JMJD1C: variants seen among roughly 807,000 people sequenced by gnomAD.
The protein encoded by JMJD1C is jumonji domain-containing protein 1C.
JMJD1C carries 31 observed loss-of-function variants against 245.3 expected under a neutral mutation model. The observed-to-expected ratio is 0.13, with a 90% CI of 0.09 to 0.17. JMJD1C has a LOEUF of 0.17. Among genes scored for constraint, JMJD1C ranks in the 10% least tolerant of loss-of-function variants. JMJD1C has a pLI of 1.00. For missense variants in JMJD1C, 2,691 were observed against 3,000.2 expected (o/e 0.90, Z 2.41); for synonymous variants, 1,057 against 1,017.4 (o/e 1.04, Z -0.74).
chr10:63,256,693 C>T (rs955042533), intron 3 of JMJD1C, among the ~76,000 whole-genome samples: 1 of 152,194 alleles, frequency 6.6e-6, no homozygotes, highest in Non-Finnish European at 1.5e-5. Context: ...CATGGATGCT[C>T]ATCCTACCAA....
chr10:63,434,536 G>C (rs1051931359), intron 1 of JMJD1C, among the ~76,000 whole-genome samples: 1 of 152,124 alleles, frequency 6.6e-6, no homozygotes, highest in Non-Finnish European at 1.5e-5. Flanking sequence ...AAGCTACCGA[G>C]AGAGGAAGAT....
chr10:63,309,403 G>C lies in JMJD1C; in HGVS notation c.334-44639C>G, dbSNP rs1221288761. On this transcript the variant is annotated intron_variant, in intron 2 of 25. Transcript: ENST00000399262. ...CAGGTACTCAGGAGGCTGAGGCAGG[G>C]GAATCGCTTGAACCGGGGGGGCAGA... Among the ~76,000 whole-genome samples, 4 of 146,572 alleles carry C rather than the reference G, an allele frequency of 2.7e-5. No individual in the cohort carries two copies. The East Asian group carries it at 8.1e-4, about 30-fold the overall frequency.
chr10:63,467,771 G>A (rs1315265161), upstream of JMJD1C, among the ~76,000 whole-genome samples: 1 of 152,120 alleles, frequency 6.6e-6, no homozygotes, highest in African/African-American at 2.4e-5. Context: ...AAAAGAGTAG[G>A]GAGATCAACA....
intron 2 of JMJD1C, among the ~76,000 whole-genome samples, chr10:63,298,122 T>A (rs1859656112): frequency 6.6e-6 from 1 of 152,212 alleles, no homozygotes; most frequent in African/African-American, 2.4e-5. Flanking sequence ...CCAGTATGCC[T>A]GGCTGTGCAC....
Position 63,214,353 on chromosome 10 carries a change from G to A in JMJD1C, c.1814C>T (p.Ala605Val), listed in dbSNP as rs369114735. The part of the protein sequence containing the change: ...KYVSYISPLS[A>V]VSVMEDKLHK... ...CAGCTTATCTTCCATGACAGAAACTGCACTTAAAGGAGAAATGTAAGAGAC... is the reference window on the plus strand; with the variant it reads ...CAGCTTATCTTCCATGACAGAAACTACACTTAAAGGAGAAATGTAAGAGAC... The change falls in exon 8 of 26, where the codon GCA (alanine) becomes GTA (valine). Residue 605 changes from alanine to valine, a missense_variant. Physicochemically the swap from Ala to Val is moderately conservative, Grantham distance 64. Coordinates refer to ENST00000399262, the MANE Select transcript of JMJD1C (RefSeq NM_032776.3). 1.9e-5 allele frequency: 30 copies of A among 1,614,018 alleles called. No homozygotes were observed. The Middle Eastern group carries it at 1.3e-3, about 71-fold the overall frequency.
chr10:63,210,463 T>G (rs918626857), intron 8 of JMJD1C, among the ~76,000 whole-genome samples: 5 of 152,224 alleles, frequency 3.3e-5, no homozygotes, highest in African/African-American at 1.2e-4. Context: ...TAATAAAATA[T>G]TTTATGTACT....
chr10:63,395,391 T>C (rs1208055868), intron 1 of JMJD1C, among the ~76,000 whole-genome samples: 1 of 152,136 alleles, frequency 6.6e-6, no homozygotes, highest in East Asian at 1.9e-4. Context: ...GGCAGGAGAA[T>C]GGCGTGAACC....
chr10:63,400,376 C>T (rs1034388674), intron 1 of JMJD1C, among the ~76,000 whole-genome samples: 1 of 152,156 alleles, frequency 6.6e-6, no homozygotes, highest in African/African-American at 2.4e-5. Context: ...GTCCATTCCT[C>T]TCCTCTAGAG....
intron 3 of JMJD1C, among the ~76,000 whole-genome samples, chr10:63,256,324 A>G (rs1422113411): frequency 6.6e-6 from 1 of 152,170 alleles, no homozygotes; most frequent in African/African-American, 2.4e-5. Flanking sequence ...GTACTGGGGT[A>G]ATTTATGGGA....
At chr10:63,240,849 A>C (rs915844737) in intron 3 of JMJD1C, among the ~76,000 whole-genome samples, 1 of 152,204 alleles carries the variant, frequency 6.6e-6, no homozygotes, top group African/African-American at 2.4e-5. Context: ...TACAAAACAC[A>C]ATAAATTGAG....
At chr10:63,496,665 T>C (rs1401254442) in intron 1 of JMJD1C, among the ~76,000 whole-genome samples, 1 of 152,160 alleles carries the variant, frequency 6.6e-6, no homozygotes, top group East Asian at 1.9e-4. Flanking sequence ...CCCAAATCAT[T>C]TGTGTCTCCT....
At chr10:63,428,539 A>G (rs951267988) in intron 1 of JMJD1C, among the ~76,000 whole-genome samples, 3 of 152,218 alleles carry the variant, frequency 2.0e-5, no homozygotes, top group African/African-American at 2.4e-5. Context: ...TTTGCACAGA[A>G]GCAGGGCTTT....
intron 1 of JMJD1C, among the ~76,000 whole-genome samples, chr10:63,510,063 C>T (rs1015103627): frequency 8.6e-5 from 13 of 150,988 alleles, no homozygotes; most frequent in Non-Finnish European, 1.6e-4. Flanking sequence ...AGTGCAGTGG[C>T]GTGATCTCGG....
intron 1 of JMJD1C, among the ~76,000 whole-genome samples, chr10:63,422,962 T>A (rs1950210661): frequency 6.6e-6 from 1 of 152,052 alleles, no homozygotes; most frequent in Non-Finnish European, 1.5e-5. Flanking sequence ...CAAAACTTTT[T>A]TTTTTTCTTT....
chr10:63,265,248 C>T (rs143850744), intron 2 of JMJD1C, among the ~76,000 whole-genome samples: 24 of 151,840 alleles, frequency 1.6e-4, no homozygotes, highest in African/African-American at 5.6e-4. Flanking sequence ...TCTTTTAACT[C>T]CACCCCTTGC....
rs1554918126 is a variant in JMJD1C at position 63,392,865 on chromosome 10, T to TAAACACACACAC, written c.169-12395_169-12384dup. Among the ~76,000 whole-genome samples the TAAACACACACAC allele has an allele frequency of 2.9e-3, 76 of 26,296 alleles. 1 individual carries two copies. Among genetic ancestry groups the TAAACACACACAC allele is most frequent in the South Asian group, 0.012 (11 of 902 alleles). The allele number at this position is 26,296 out of a possible 152,430, so 17.3% of individuals were successfully genotyped here. ...AAAAAAAGGTGGGCAAAAAAGTACA[T>TAAACACACACAC]AAACACACACACACACACACACACA... On this transcript the variant is annotated intron_variant, in intron 1 of 25. Transcript: ENST00000399262.
At position 63,281,318 on chromosome 10, in the gene JMJD1C, T is replaced by C. The variant is rs199571675; in HGVS notation, c.334-16554A>G. Reference sequence around the variant, plus strand: ...CCCGGCTAATTTTTCTGTTTTTTTTTTTTGTTTGTTTTTTGTTTTTTTAGT... The same window carrying C: ...CCCGGCTAATTTTTCTGTTTTTTTTCTTTGTTTGTTTTTTGTTTTTTTAGT... On this transcript the variant is annotated intron_variant, in intron 2 of 25. Transcript: ENST00000399262. Among the ~76,000 whole-genome samples the C allele has an allele frequency of 2.1e-5, 3 of 143,442 alleles. 1 individual carries two copies. The highest frequency in any genetic ancestry group is 4.4e-5 in the Non-Finnish European group (3 of 67,452). The allele number at this position is 143,442 out of a possible 152,430, so 94.1% of individuals were successfully genotyped here. A position where few individuals can be genotyped will look rare whatever the true frequency, so the allele number is the denominator to read the frequency against.
chr10:63,413,985 C>CTT (rs397846162), intron 1 of JMJD1C, among the ~76,000 whole-genome samples: 2,109 of 131,990 alleles, frequency 0.016, 65 homozygotes, highest in African/African-American at 0.041. Flanking sequence ...GCTATCAATA[C>CTT]TTTTTTTTTT....
At chr10:63,380,040 C>T (rs914754612) in intron 2 of JMJD1C, among the ~76,000 whole-genome samples, 1 of 151,060 alleles carries the variant, frequency 6.6e-6, no homozygotes, top group African/African-American at 2.4e-5. Context: ...CTTGGGCTCA[C>T]GTGATCCTCC....
Sources: gnomAD v4.1 joint callset for allele counts (sites outside exome capture counted in the v4.1 genomes callset) on GRCh38, gnomAD v4.1.1 for gene constraint, MANE v1.5 for transcripts, NCBI Gene and HGNC (gene_info 2026-07-23, HGNC 2026-07-21) for gene names.